FGF14: variants seen among roughly 807,000 people sequenced by gnomAD.
FGF14 encodes the protein fibroblast growth factor homologous factor 4.
Under a neutral mutation model 25.5 loss-of-function variants are expected in FGF14, and 5 were observed. That is an observed-to-expected ratio of 0.20 (90% confidence interval 0.10 to 0.41). The LOEUF (loss-of-function observed/expected upper bound fraction) is 0.41. FGF14 is among the 10% of genes least tolerant of loss of function. The pLI, the probability that FGF14 is intolerant of heterozygous loss-of-function variation, is 1.00. For synonymous variants in FGF14, 138 were observed against 118.3 expected (o/e 1.17, Z -1.08); for missense variants, 222 against 320.1 (o/e 0.69, Z 2.34).
intron 1 of FGF14, among the ~76,000 whole-genome samples, chr13:102,086,692 G>A (rs1448375737): frequency 1.3e-5 from 2 of 152,168 alleles, no homozygotes; most frequent in Non-Finnish European, 2.9e-5. Context: ...CTATACAGTA[G>A]ACAAAGAATT....
intron 1 of FGF14, among the ~76,000 whole-genome samples, chr13:102,243,346 C>A (rs2051696828): frequency 6.6e-6 from 1 of 152,038 alleles, no homozygotes; most frequent in African/African-American, 2.4e-5. Flanking sequence ...CCACCTTTCC[C>A]AGAAGGAACT....
intron 3 of FGF14, among the ~76,000 whole-genome samples, chr13:101,838,901 G>A (rs954714672): frequency 1.3e-5 from 2 of 152,084 alleles, no homozygotes; most frequent in African/African-American, 2.4e-5. Flanking sequence ...TTTCAGACAC[G>A]TTTTTGTCTG....
intron 3 of FGF14, among the ~76,000 whole-genome samples, chr13:101,798,135 G>GA (rs2040659509): frequency 6.6e-6 from 1 of 151,942 alleles, no homozygotes. Context: ...TCTAATAAAA[G>GA]AAAAAAGCTG....
intron 1 of FGF14, among the ~76,000 whole-genome samples, chr13:102,215,307 T>C (rs2050325578): frequency 6.6e-6 from 1 of 152,202 alleles, no homozygotes. Context: ...TGAGTTAGAA[T>C]AACTGATAAC....
intron 1 of FGF14, among the ~76,000 whole-genome samples, chr13:102,257,045 G>C (rs554665731): frequency 1.3e-5 from 2 of 152,250 alleles, no homozygotes; most frequent in Admixed American, 1.3e-4. Context: ...AAGGAAAAAG[G>C]AGAATTGGCT....
intron 3 of FGF14, among the ~76,000 whole-genome samples, chr13:101,830,214 G>C (rs373816388): frequency 2.0e-5 from 3 of 152,072 alleles, no homozygotes; most frequent in South Asian, 2.1e-4. Flanking sequence ...GCAACCATTT[G>C]ATTTTTTTCT....
chr13:102,327,559 G>T (rs2056494711), intron 1 of FGF14, among the ~76,000 whole-genome samples: 1 of 152,210 alleles, frequency 6.6e-6, no homozygotes. Flanking sequence ...GATCAGCTGG[G>T]TGTGGTGGTT....
intron 1 of FGF14, among the ~76,000 whole-genome samples, chr13:101,960,310 T>G (rs889038790): frequency 6.6e-6 from 1 of 152,184 alleles, no homozygotes; most frequent in African/African-American, 2.4e-5. Flanking sequence ...ACCTAGGTAT[T>G]AAGCCCAGCA....
At chr13:102,387,141 T>C (rs2058324062) in intron 1 of FGF14, among the ~76,000 whole-genome samples, 1 of 152,232 alleles carries the variant, frequency 6.6e-6, no homozygotes, top group Non-Finnish European at 1.5e-5. Context: ...CATTATTAGT[T>C]ACATTTTTAT....
intron 4 of FGF14, among the ~76,000 whole-genome samples, chr13:101,726,338 G>C (rs2035434961): frequency 6.6e-6 from 1 of 151,944 alleles, no homozygotes; most frequent in East Asian, 1.9e-4. Flanking sequence ...CTAAGGGTTA[G>C]AGTGGTTGTA....
Position 101,868,738 on chromosome 13 carries a change from T to C in FGF14, c.395A>G (p.Tyr132Cys). ...CGTCTTACTTACTGATGGGTAGAGG[T>C]AACCTTCTCCATTCATGGCTATATA... is the stretch of plus-strand genomic sequence containing the variant. ...GLYIAMNGEG[Y>C]LYPSELFTPE... The change falls in exon 3 of 5, where the codon TAC becomes TGC. Residue 132 changes from tyrosine (Y) to cysteine (C), a missense_variant. Physicochemically the swap from Tyr to Cys is radical, Grantham distance 194 (BLOSUM62 -2). Transcript: ENST00000376143. The C allele has an allele frequency of 6.2e-7, 1 of 1,608,682 alleles. No individual in the cohort carries two copies. The highest frequency in any genetic ancestry group is 8.5e-7 in the Non-Finnish European group (1 of 1,175,080).
chr13:102,043,716 T>G (rs543543445), intron 1 of FGF14, among the ~76,000 whole-genome samples: 2 of 152,260 alleles, frequency 1.3e-5, no homozygotes, highest in East Asian at 3.9e-4. Flanking sequence ...GAAACTAGAT[T>G]AGGAACTAGG....
chr13:102,047,265 A>T (rs891600378), intron 1 of FGF14, among the ~76,000 whole-genome samples: 3 of 152,112 alleles, frequency 2.0e-5, no homozygotes, highest in African/African-American at 7.2e-5. Context: ...CCTTCCTACC[A>T]TCCCACACAT....
chr13:102,398,271 T>C (rs1218807440), intron 1 of FGF14, among the ~76,000 whole-genome samples: 1 of 152,168 alleles, frequency 6.6e-6, no homozygotes, highest in Non-Finnish European at 1.5e-5. Flanking sequence ...TCAATAACTT[T>C]TGGGTAGATG....
chr13:102,385,536 A>G (rs1295952942), intron 1 of FGF14, among the ~76,000 whole-genome samples: 4 of 152,240 alleles, frequency 2.6e-5, no homozygotes, highest in Non-Finnish European at 4.4e-5. Flanking sequence ...AATTTAAAAT[A>G]ATCTCAACAA....
At chr13:102,108,471 C>A (rs1005786891) in intron 1 of FGF14, among the ~76,000 whole-genome samples, 9 of 152,146 alleles carry the variant, frequency 5.9e-5, no homozygotes, top group Non-Finnish European at 1.0e-4. Context: ...TTTAAAAAGT[C>A]AAATCTAGAA....
At chr13:101,827,186 T>C (rs2042431310) in intron 3 of FGF14, among the ~76,000 whole-genome samples, 1 of 152,032 alleles carries the variant, frequency 6.6e-6, no homozygotes, top group Non-Finnish European at 1.5e-5. Context: ...ACAGTAGATG[T>C]CATAATTTTA....
chr13:101,753,257 A>C (rs533183534), intron 3 of FGF14, among the ~76,000 whole-genome samples: 2 of 150,618 alleles, frequency 1.3e-5, no homozygotes, highest in East Asian at 4.0e-4. Flanking sequence ...TCCATATATT[A>C]TATATGATCA....
At chr13:101,730,221 C>T (rs917174130) in intron 3 of FGF14, among the ~76,000 whole-genome samples, 13 of 152,102 alleles carry the variant, frequency 8.5e-5, no homozygotes, top group African/African-American at 3.1e-4. Flanking sequence ...AGGATGGTTT[C>T]GAAAAGTTAA....
Sources: gnomAD v4.1 joint callset for allele counts (sites outside exome capture counted in the v4.1 genomes callset) on GRCh38, gnomAD v4.1.1 for gene constraint, MANE v1.5 for transcripts, NCBI Gene and HGNC (gene_info 2026-07-23, HGNC 2026-07-21) for gene names.